Variants in LARS2 observed in about 807,000 individuals in gnomAD.
LARS2 encodes leucine--tRNA ligase, mitochondrial.
Under a neutral mutation model 116.6 loss-of-function variants are expected in LARS2, and 81 were observed. The observed-to-expected ratio is 0.69, with a 90% CI of 0.58 to 0.84. LARS2 has a LOEUF of 0.84. Among genes scored for constraint, LARS2 ranks in the 40% least tolerant of loss-of-function variants. LARS2 has a pLI of 0.00. For missense variants in LARS2, 968 were observed against 1,114.5 expected (o/e 0.87, Z 1.87); for synonymous variants, 396 against 407.2 (o/e 0.97, Z 0.33).
At position 45,440,927 on chromosome 3, in the gene LARS2, C is replaced by T. The variant is rs991675556; in HGVS notation, c.517-5964C>T. ...TTTTTTACCCCAGTTCTTTCTCTCC[C>T]TTGTGCCTTACCCCAGTAGGCTGAT... On this transcript the variant is annotated intron_variant, in intron 6 of 21. Transcript: ENST00000645846. Among the ~76,000 whole-genome samples the T allele has an allele frequency of 2.0e-5, 3 of 151,236 alleles. 1 individual carries two copies. Among genetic ancestry groups the T allele is most frequent in the Admixed American group, 1.3e-4 (2 of 15,160 alleles).
In LARS2 at chr3:45,465,232, C is replaced by T. The variant is rs3774693; in HGVS notation, c.750+6346C>T. On this transcript the variant is annotated intron_variant, in intron 8 of 21. Transcript: ENST00000645846. ...AATAGTTAAATTCTGCTCCTTCTTA[C>T]ATAATATCTCCTGCTTCTGTTTTCT... Among the ~76,000 whole-genome samples the T allele has an allele frequency of 1.5e-3, 230 of 152,354 alleles. 5 individuals are homozygous for T. In the East Asian group the frequency reaches 0.038, roughly 25 times the overall value.
At chr3:45,429,395 C>T (rs958953535) in intron 6 of LARS2, among the ~76,000 whole-genome samples, 3 of 152,190 alleles carry the variant, frequency 2.0e-5, no homozygotes, top group African/African-American at 7.2e-5. Context: ...TACTGGTCAT[C>T]AGCCAGGGAT....
chr3:45,425,902 TTTTTC>T (rs200627872), intron 6 of LARS2, among the ~76,000 whole-genome samples: 33,348 of 143,340 alleles, frequency 0.23, 4,684 homozygotes, highest in East Asian at 0.66. Flanking sequence ...AGCCTTTTTT[TTTTTC>T]TTTTCTTTTC....
intron 10 of LARS2, among the ~76,000 whole-genome samples, chr3:45,477,953 G>A (rs975991652): frequency 3.9e-5 from 6 of 152,174 alleles, no homozygotes; most frequent in African/African-American, 1.4e-4. Flanking sequence ...TAAAGAGCCT[G>A]CTGCATGCAC....
intron 15 of LARS2, among the ~76,000 whole-genome samples, chr3:45,504,694 TG>T (rs1401364693): frequency 6.6e-6 from 1 of 152,026 alleles, no homozygotes; most frequent in Non-Finnish European, 1.5e-5. Flanking sequence ...TCATTGATAA[TG>T]GGAATTGTGT....
intron 4 of LARS2, among the ~76,000 whole-genome samples, chr3:45,415,131 T>A (rs1698393123): frequency 6.6e-6 from 1 of 152,224 alleles, no homozygotes; most frequent in African/African-American, 2.4e-5. Flanking sequence ...AATGCCTTAC[T>A]GGCCTGGGCT....
intron 2 of LARS2, among the ~76,000 whole-genome samples, chr3:45,394,113 C>T (rs1176490814): frequency 2.6e-5 from 4 of 152,100 alleles, no homozygotes; most frequent in African/African-American, 9.7e-5. Context: ...CTGGGCTGGC[C>T]CATGGGGAGG....
chr3:45,500,593 C>T lies in LARS2; in HGVS notation c.1760+14C>T. 6.6e-7 allele frequency: 1 copy of T among 1,520,704 alleles called. No individual in the cohort carries two copies. The highest frequency in any genetic ancestry group is 1.3e-5 in the South Asian group (1 of 77,326). 94.2% of individuals were successfully genotyped at this position (1,520,704 alleles called of 1,614,324 possible). ...GGTTAAACATAGGTAAGCACTTATACTGCTTTGCAAAATAATTGAGTTCCA... is the reference window on the plus strand; with the variant it reads ...GGTTAAACATAGGTAAGCACTTATATTGCTTTGCAAAATAATTGAGTTCCA... On this transcript the variant is annotated intron_variant, in intron 15 of 21. Coordinates refer to ENST00000645846, the MANE Select transcript of LARS2 (RefSeq NM_015340.4).
rs541900370 is a variant in LARS2 at position 45,427,899 on chromosome 3, G to A, written c.516+8170G>A. Among the ~76,000 whole-genome samples, 143 of 148,910 alleles carry A rather than the reference G, an allele frequency of 9.6e-4. 2 individuals are homozygous for A. The highest frequency in any genetic ancestry group is 3.6e-3 in the Middle Eastern group (1 of 280). On this transcript the variant is annotated intron_variant, in intron 6 of 21. Coordinates refer to ENST00000645846, the MANE Select transcript of LARS2 (RefSeq NM_015340.4). The stretch of plus-strand genomic sequence containing the variant: ...TACAATGGCACGATCTTGGCTCACT[G>A]CAACCTCTGCCTCCCTCATTGAAGC...
At chr3:45,450,170 A>G (rs570633067) in intron 7 of LARS2, among the ~76,000 whole-genome samples, 3 of 152,368 alleles carry the variant, frequency 2.0e-5, no homozygotes, top group South Asian at 2.1e-4. Flanking sequence ...TGATACATGT[A>G]TACAGTGTGT....
chr3:45,515,204 C>T (rs370002355), intron 16 of LARS2, among the ~76,000 whole-genome samples: 115 of 152,302 alleles, frequency 7.6e-4, no homozygotes, highest in Admixed American at 7.0e-3. Flanking sequence ...TCAGCTCTCT[C>T]GTTCTTAGTT....
chr3:45,460,316 G>A (rs1402210091), intron 8 of LARS2, among the ~76,000 whole-genome samples: 1 of 152,210 alleles, frequency 6.6e-6, no homozygotes, highest in Non-Finnish European at 1.5e-5. Context: ...AACACCCCAA[G>A]CAGTGGGAGC....
intron 18 of LARS2, chr3:45,519,657 CT>C (rs113936742): frequency 1.9e-4 from 27 of 144,890 alleles, no homozygotes; most frequent in Admixed American, 4.2e-4. Flanking sequence ...ACTAGCATTG[CT>C]TTTTTTTTTG....
At chr3:45,527,002 A>G (rs563888198) in intron 20 of LARS2, among the ~76,000 whole-genome samples, 3 of 152,310 alleles carry the variant, frequency 2.0e-5, no homozygotes, top group South Asian at 4.1e-4. Flanking sequence ...TCATCCAGGT[A>G]GAGACACAAG....
intron 6 of LARS2, among the ~76,000 whole-genome samples, chr3:45,425,461 AGCT>A (rs1368825027): frequency 6.6e-6 from 1 of 152,202 alleles, no homozygotes; most frequent in Non-Finnish European, 1.5e-5. Context: ...TTATCTGCAG[AGCT>A]GCGGAAGAGT....
intron 16 of LARS2, 90 bp from the exon 17 acceptor site, chr3:45,516,004 C>T (rs140419920): frequency 5.6e-5 from 54 of 969,924 alleles, no homozygotes; most frequent in Middle Eastern, 2.4e-4. Flanking sequence ...CACTTTCCAT[C>T]GCTCACCCAG....
chr3:45,468,428 A>G (rs901216923), intron 8 of LARS2, among the ~76,000 whole-genome samples: 4 of 152,116 alleles, frequency 2.6e-5, no homozygotes, highest in African/African-American at 7.2e-5. Flanking sequence ...GCTGAGGACA[A>G]TTTTCAAGTT....
Position 45,463,965 on chromosome 3 carries a change from G to A in LARS2, c.750+5079G>A, listed in dbSNP as rs114454618. On this transcript the variant is annotated intron_variant, in intron 8 of 21. Transcript: ENST00000645846. The stretch of plus-strand genomic sequence containing the variant: ...ATCTTCTTGCCCTCCAGATGTGCAG[G>A]AAACCTTATTCTTCATCAAGGATTT... Among the ~76,000 whole-genome samples, 1,289 of 152,260 alleles carry A rather than the reference G, an allele frequency of 8.5e-3. 17 individuals carry two copies. Among genetic ancestry groups the A allele is most frequent in the African/African-American group, 0.022 (903 of 41,546 alleles).
intron 20 of LARS2, among the ~76,000 whole-genome samples, chr3:45,539,296 T>A (rs1009180418): frequency 1.3e-5 from 2 of 152,000 alleles, no homozygotes; most frequent in African/African-American, 4.8e-5. Flanking sequence ...AAAAAAGTAA[T>A]AAAATATCCC....
Sources: gnomAD v4.1 joint callset for allele counts (sites outside exome capture counted in the v4.1 genomes callset) on GRCh38, gnomAD v4.1.1 for gene constraint, MANE v1.5 for transcripts, NCBI Gene and HGNC (gene_info 2026-07-23, HGNC 2026-07-21) for gene names.